The following RBMS1 variants were observed in gnomAD, a reference collection of about 807,000 sequenced individuals.
RBMS1 encodes the protein RNA-binding motif, single-stranded-interacting protein 1.
Under a neutral mutation model 62.3 loss-of-function variants are expected in RBMS1, and 17 were observed. The ratio of observed to expected loss-of-function variants is 0.27; its 90% CI spans 0.19 to 0.41. The LOEUF is 0.41. Ranked by LOEUF, RBMS1 falls within the 10% of genes least tolerant of loss-of-function variation. The probability of loss-of-function intolerance (pLI) is 1.00; values close to 1 mark genes in which losing one functional copy is unlikely to be tolerated. For missense variants in RBMS1, 334 were observed against 504.5 expected (o/e 0.66, Z 3.24); for synonymous variants, 172 against 170.0 (o/e 1.01, Z -0.09).
chr2:160,463,642 G>A (rs899619914), intron 1 of RBMS1, among the ~76,000 whole-genome samples: 26 of 152,236 alleles, frequency 1.7e-4, no homozygotes, highest in African/African-American at 5.1e-4. Context: ...GAAATTAGCC[G>A]GGCATGGTGG....
At chr2:160,414,359 A>G (rs1425332847) in intron 1 of RBMS1, among the ~76,000 whole-genome samples, 2 of 152,146 alleles carry the variant, frequency 1.3e-5, no homozygotes, top group African/African-American at 4.8e-5. Context: ...AGAGAAGCAG[A>G]AAAATTTATC....
At chr2:160,395,350 C>T (rs1205668459) in intron 1 of RBMS1, among the ~76,000 whole-genome samples, 3 of 152,130 alleles carry the variant, frequency 2.0e-5, no homozygotes, top group South Asian at 2.1e-4. Flanking sequence ...GAAGGCCGGG[C>T]GCAGTGGCTC....
intron 1 of RBMS1, among the ~76,000 whole-genome samples, chr2:160,450,157 A>G (rs1246598301): frequency 1.3e-5 from 2 of 152,202 alleles, no homozygotes; most frequent in African/African-American, 4.8e-5. Context: ...GCACAGAGGA[A>G]ACACTCTTTT....
chr2:160,382,747 A>C (rs1694341021), intron 1 of RBMS1, among the ~76,000 whole-genome samples: 1 of 152,206 alleles, frequency 6.6e-6, no homozygotes, highest in South Asian at 2.1e-4. Flanking sequence ...AGTTCGTTAG[A>C]GGACTAACTT....
intron 13 of RBMS1, 198 bp downstream of exon 13, chr2:160,275,432 T>C: frequency 9.5e-7 from 1 of 1,047,832 alleles, no homozygotes; most frequent in Non-Finnish European, 1.3e-6. Flanking sequence ...GTATAAAGCA[T>C]TCTCTTTAGA....
At chr2:160,470,860 A>G (rs1684887534) in intron 1 of RBMS1, among the ~76,000 whole-genome samples, 1 of 152,200 alleles carries the variant, frequency 6.6e-6, no homozygotes, top group African/African-American at 2.4e-5. Flanking sequence ...GGAAACCAAC[A>G]TGGTGTAATT....
intron 1 of RBMS1, among the ~76,000 whole-genome samples, chr2:160,376,612 TC>T (rs1435803343): frequency 2.0e-5 from 3 of 152,012 alleles, no homozygotes; most frequent in East Asian, 3.9e-4. Context: ...TCTATGTATT[TC>T]TTTTTTTTAT....
At chr2:160,300,622 A>C (rs1179808283) in intron 6 of RBMS1, 29 bp downstream of exon 6, 1 of 1,578,058 alleles carries the variant, frequency 6.3e-7, no homozygotes, top group African/African-American at 1.4e-5. Flanking sequence ...ATAGAAGACT[A>C]CTGATGAAGT....
At chr2:160,436,482 C>A (rs558009455) in intron 1 of RBMS1, among the ~76,000 whole-genome samples, 54 of 152,370 alleles carry the variant, frequency 3.5e-4, no homozygotes, top group Non-Finnish European at 6.9e-4. Flanking sequence ...GAACAGCCAA[C>A]TGCCCCTCCA....
chr2:160,291,735 T>C (rs1031923304), intron 6 of RBMS1, among the ~76,000 whole-genome samples: 7 of 152,242 alleles, frequency 4.6e-5, no homozygotes, highest in Non-Finnish European at 8.8e-5. Flanking sequence ...TATATAGTCA[T>C]GCTTTGCTCC....
rs189614732 is a variant in RBMS1, at chr2:160,436,787, C to T, written c.75+56502G>A. On this transcript the variant is annotated intron_variant, in intron 1 of 13. Transcript: ENST00000348849. ...AGGCCCACCCAGACAGAAAGCTCAT[C>T]CCTGAGGTTTCCTGCTACATTCGTC... Among the ~76,000 whole-genome samples the T allele has an allele frequency of 9.5e-4, 145 of 152,218 alleles. 1 individual carries two copies. Among genetic ancestry groups the T allele is most frequent in the Middle Eastern group, 6.8e-3 (2 of 294 alleles).
intron 7 of RBMS1, 136 bp downstream of exon 7, chr2:160,286,833 G>A (rs765344345): frequency 1.8e-5 from 27 of 1,501,662 alleles, no homozygotes; most frequent in Non-Finnish European, 2.2e-5. Context: ...ATAATGTACC[G>A]AAAGGAAGAT....
Position 160,300,741 on chromosome 2 carries a change from TA to T in RBMS1, c.561-12del. On this transcript the variant is annotated splice_polypyrimidine_tract_variant and intron_variant, in intron 5 of 13. Coordinates refer to ENST00000348849, the MANE Select transcript of RBMS1 (RefSeq NM_016836.4). ...TCTGTTGATTCCATCCTATTTATAA[TA>T]AAAATAGAATACATAAATATTTAAA... The T allele has an allele frequency of 2.5e-6, 4 of 1,572,318 alleles. No homozygotes were observed. The South Asian group carries it at 3.7e-5, about 14-fold the overall frequency.
intron 1 of RBMS1, among the ~76,000 whole-genome samples, chr2:160,394,695 C>T (rs1237129958): frequency 6.6e-6 from 1 of 152,206 alleles, no homozygotes; most frequent in Non-Finnish European, 1.5e-5. Flanking sequence ...CTACTCTGTT[C>T]AGAGAATGAC....
chr2:160,471,718 A>ATATATATATATATATATAAAG (rs1357101386), intron 1 of RBMS1, among the ~76,000 whole-genome samples: 19 of 14,494 alleles, frequency 1.3e-3, no homozygotes, highest in Admixed American at 0.01. Context: ...TATATATATA[A>ATATATATATATATATATAAAG]CCTTTCATAC....
chr2:160,430,986 T>C (rs904004906), intron 1 of RBMS1, among the ~76,000 whole-genome samples: 11 of 151,298 alleles, frequency 7.3e-5, no homozygotes, highest in Non-Finnish European at 1.5e-4. Context: ...TGTGATATTG[T>C]ATATGACTGA....
chr2:160,296,366 T>C (rs1321569750), intron 6 of RBMS1, among the ~76,000 whole-genome samples: 1 of 152,214 alleles, frequency 6.6e-6, no homozygotes, highest in Non-Finnish European at 1.5e-5. Flanking sequence ...TGCAGTGTGC[T>C]CTCAGGTTTT....
chr2:160,466,561 C>T (rs1049228010), intron 1 of RBMS1, among the ~76,000 whole-genome samples: 9 of 152,150 alleles, frequency 5.9e-5, no homozygotes, highest in Middle Eastern at 3.4e-3. Flanking sequence ...TAACAGAAAG[C>T]CAACATGTAC....
chr2:160,488,396 T>C (rs1211879023), intron 1 of RBMS1, among the ~76,000 whole-genome samples: 1 of 152,110 alleles, frequency 6.6e-6, no homozygotes, highest in Admixed American at 6.5e-5. Flanking sequence ...GCCAACGTAG[T>C]GAAACCCCGT....
Sources: gnomAD v4.1 joint callset for allele counts (sites outside exome capture counted in the v4.1 genomes callset) on GRCh38, gnomAD v4.1.1 for gene constraint, MANE v1.5 for transcripts, NCBI Gene and HGNC (gene_info 2026-07-23, HGNC 2026-07-21) for gene names.